Variants in RARB observed in about 807,000 individuals in gnomAD.
RARB encodes retinoic acid receptor beta.
RARB carries 17 observed loss-of-function variants against 51.9 expected under a neutral mutation model. That is an observed-to-expected ratio of 0.33 (90% CI 0.22 to 0.49). The LOEUF is 0.49. Among genes scored for constraint, RARB ranks in the 20% least tolerant of loss-of-function variants. The pLI is 0.99. For synonymous variants in RARB, 215 were observed against 195.4 expected (o/e 1.10, Z -0.84); for missense variants, 369 against 550.8 (o/e 0.67, Z 3.30).
At chr3:24,903,026 GTTA>G (rs1703640484) in intron 2 of RARB, among the ~76,000 whole-genome samples, 1 of 152,002 alleles carries the variant, frequency 6.6e-6, no homozygotes, top group Non-Finnish European at 1.5e-5. Flanking sequence ...AAGAATAACT[GTTA>G]TTGGAAAAAT....
intron 5 of RARB, among the ~76,000 whole-genome samples, chr3:25,313,453 C>A (rs749360395): frequency 4.6e-5 from 7 of 152,290 alleles, no homozygotes; most frequent in Admixed American, 2.0e-4. Flanking sequence ...AACTAGGCTT[C>A]CCCAACTCCC....
intron 5 of RARB, among the ~76,000 whole-genome samples, chr3:25,339,440 C>T (rs1308996999): frequency 3.3e-5 from 5 of 152,168 alleles, no homozygotes; most frequent in Non-Finnish European, 5.9e-5. Flanking sequence ...GTTTTCGGAA[C>T]GTCACTTTCC....
chr3:25,178,513 A>T lies in RARB; in HGVS notation c.178+3938A>T, dbSNP rs189871624. ...ACATAACCAGTTAATGTTGGAGTCA[A>T]ATTCCAAATCCAGACCCCGAGACCC... On this transcript the variant is annotated intron_variant, in intron 5 of 11. Coordinates refer to the RARB transcript ENST00000383772. Among the ~76,000 whole-genome samples the T allele has an allele frequency of 6.1e-4, 93 of 152,154 alleles. 1 individual carries two copies. Among genetic ancestry groups the T allele is most frequent in the African/African-American group, 2.1e-3 (86 of 41,506 alleles).
At chr3:24,970,723 GT>G (rs1314734982) in intron 2 of RARB, among the ~76,000 whole-genome samples, 1 of 151,816 alleles carries the variant, frequency 6.6e-6, no homozygotes, top group Non-Finnish European at 1.5e-5. Context: ...TGTGTAAAAT[GT>G]GTTTTCCTCA....
chr3:25,207,222 G>T (rs914605591), intron 5 of RARB, among the ~76,000 whole-genome samples: 1 of 152,142 alleles, frequency 6.6e-6, no homozygotes, highest in Non-Finnish European at 1.5e-5. Context: ...TTCCAACTCA[G>T]ATCTACTAAG....
At chr3:24,940,811 G>A (rs754382484) in intron 2 of RARB, among the ~76,000 whole-genome samples, 1 of 152,174 alleles carries the variant, frequency 6.6e-6, no homozygotes, top group African/African-American at 2.4e-5. Context: ...CCTTACTGAC[G>A]TTGTCAACTT....
chr3:24,931,685 C>T (rs1400307565), intron 2 of RARB, among the ~76,000 whole-genome samples: 10 of 152,100 alleles, frequency 6.6e-5, no homozygotes, highest in Non-Finnish European at 1.3e-4. Context: ...CGTGTCTTTG[C>T]AAGCACCTGT....
chr3:25,385,529 A>T (rs943410015), intron 5 of RARB, among the ~76,000 whole-genome samples: 3 of 152,184 alleles, frequency 2.0e-5, no homozygotes, highest in African/African-American at 7.2e-5. Flanking sequence ...CCAAATGAGC[A>T]TCCCTGGAGT....
intron 3 of RARB, among the ~76,000 whole-genome samples, chr3:25,539,531 TC>T (rs1227605531): frequency 9.3e-6 from 1 of 107,480 alleles, no homozygotes; most frequent in African/African-American, 4.3e-5. Flanking sequence ...TCTCTCTCTC[TC>T]TTTTTTTTTT....
intron 1 of RARB, among the ~76,000 whole-genome samples, chr3:25,439,147 G>C (rs1002704799): frequency 6.6e-6 from 1 of 152,204 alleles, no homozygotes; most frequent in African/African-American, 2.4e-5. Flanking sequence ...GTTTGTGCTA[G>C]AGAGTGTCTC....
chr3:25,047,087 T>C (rs977298314), intron 2 of RARB, among the ~76,000 whole-genome samples: 1 of 152,184 alleles, frequency 6.6e-6, no homozygotes, highest in Non-Finnish European at 1.5e-5. Flanking sequence ...AATGATAATA[T>C]TATTCTAAAT....
chr3:24,835,783 A>T (rs938615683), intron 1 of RARB, among the ~76,000 whole-genome samples: 7 of 152,200 alleles, frequency 4.6e-5, no homozygotes, highest in African/African-American at 1.7e-4. Flanking sequence ...CAGTATCTAC[A>T]TTAATATGGA....
chr3:25,164,548 A>G (rs770434252), intron 4 of RARB, among the ~76,000 whole-genome samples: 11 of 152,180 alleles, frequency 7.2e-5, no homozygotes, highest in Non-Finnish European at 1.6e-4. Flanking sequence ...TTTTAAATTC[A>G]AGTGAATGAA....
chr3:25,431,697 C>T lies in RARB; in HGVS notation c.157+2809C>T, dbSNP rs951247905. ...AGTGTGACAACTTCTTGGCCTTTTTCCCTGTCTTTTCTCCCTACTCAACAC... is the reference window on the plus strand; with the variant it reads ...AGTGTGACAACTTCTTGGCCTTTTTTCCTGTCTTTTCTCCCTACTCAACAC... On this transcript the variant is annotated intron_variant, in intron 1 of 7. Coordinates refer to ENST00000330688, the MANE Select transcript of RARB (RefSeq NM_000965.5). Among the ~76,000 whole-genome samples the T allele has an allele frequency of 3.3e-5, 5 of 152,104 alleles. No homozygotes were observed. The South Asian group carries it at 1.0e-3, about 32-fold the overall frequency.
At chr3:25,531,372 GTAGATAGATAGATAGGTAGATAGA>G (rs1339350524) in intron 3 of RARB, among the ~76,000 whole-genome samples, 2 of 131,530 alleles carry the variant, frequency 1.5e-5, no homozygotes, top group African/African-American at 6.9e-5. Flanking sequence ...AGATAGATAG[GTAGATAGATAGATAGGTAGATAGA>G]TAGATAGATA....
At position 24,886,447 on chromosome 3, in the gene RARB, C is replaced by CTTT. The variant is rs35659222; in HGVS notation, c.-380+27708_-380+27710dup. 1.3e-4 allele frequency among the ~76,000 whole-genome samples: 19 copies of CTTT among 144,064 alleles called. No homozygotes were observed. The South Asian group carries it at 2.2e-3, about 17-fold the overall frequency. 94.5% of individuals were successfully genotyped at this position (144,064 alleles called of 152,430 possible). On this transcript the variant is annotated intron_variant, in intron 2 of 11. Transcript: ENST00000383772. ...CCAGCATAAAGTATCTGTAAACAAA[C>CTTT]TTTTTTTTTTTTTTTGAGACAGGAT...
intron 5 of RARB, among the ~76,000 whole-genome samples, chr3:25,244,900 T>G (rs1317675357): frequency 1.3e-5 from 2 of 152,144 alleles, no homozygotes; most frequent in African/African-American, 4.8e-5. Flanking sequence ...ATATTGACAG[T>G]GTGGTGTTAA....
At chr3:24,901,474 C>T (rs1291849865) in intron 2 of RARB, among the ~76,000 whole-genome samples, 1 of 152,176 alleles carries the variant, frequency 6.6e-6, no homozygotes, top group Non-Finnish European at 1.5e-5. Context: ...TTCCTAGCCT[C>T]AAGTGATCCT....
intron 5 of RARB, among the ~76,000 whole-genome samples, chr3:25,407,519 C>G (rs949818935): frequency 2.0e-5 from 3 of 152,150 alleles, no homozygotes; most frequent in Non-Finnish European, 2.9e-5. Context: ...TATTGTATTT[C>G]TGTCCCTTTG....
Sources: gnomAD v4.1 joint callset for allele counts (sites outside exome capture counted in the v4.1 genomes callset) on GRCh38, gnomAD v4.1.1 for gene constraint, MANE v1.5 for transcripts, NCBI Gene and HGNC (gene_info 2026-07-23, HGNC 2026-07-21) for gene names.